Variants in ZFYVE9 observed in about 807,000 individuals in gnomAD.
The protein encoded by ZFYVE9 is zinc finger FYVE domain-containing protein 9.
In ZFYVE9, 43 loss-of-function variants were observed where a neutral mutation model predicts 126.7. That is an observed-to-expected ratio of 0.34 (90% CI 0.27 to 0.44). The LOEUF (loss-of-function observed/expected upper bound fraction) is 0.44, where lower values mean the gene tolerates loss of function less well. Among genes scored for constraint, ZFYVE9 ranks in the 20% least tolerant of loss-of-function variants. ZFYVE9 has a pLI of 1.00. For synonymous variants in ZFYVE9, 521 were observed against 597.4 expected (o/e 0.87, Z 1.87); for missense variants, 1,476 against 1,697.0 (o/e 0.87, Z 2.29).
chr1:52,327,324 C>G (rs1646300567), intron 13 of ZFYVE9, among the ~76,000 whole-genome samples: 1 of 151,988 alleles, frequency 6.6e-6, no homozygotes, highest in Non-Finnish European at 1.5e-5. Context: ...TTCATGCTGG[C>G]CAGGCGCGGT....
intron 1 of ZFYVE9, among the ~76,000 whole-genome samples, chr1:52,159,972 A>G (rs1644440391): frequency 6.7e-6 from 1 of 150,274 alleles, no homozygotes; most frequent in South Asian, 2.1e-4. Context: ...ATTTTTTTGT[A>G]TTTTTAGTAG....
At chr1:52,307,154 G>A (rs369702831) in intron 13 of ZFYVE9, among the ~76,000 whole-genome samples, 1 of 152,226 alleles carries the variant, frequency 6.6e-6, no homozygotes, top group Admixed American at 6.5e-5. Context: ...TGATGTTTGC[G>A]AGGTAGTGCT....
chr1:52,162,373 G>A (rs961507572), intron 1 of ZFYVE9: 6 of 349,376 alleles, frequency 1.7e-5, no homozygotes, highest in African/African-American at 8.6e-5. Flanking sequence ...CACCACCTCC[G>A]CCACCACCAC....
intron 10 of ZFYVE9, among the ~76,000 whole-genome samples, chr1:52,282,711 G>A (rs568963969): frequency 6.6e-6 from 1 of 152,216 alleles, no homozygotes; most frequent in South Asian, 2.1e-4. Context: ...TGAATGAAAG[G>A]GTTTATTGCA....
At chr1:52,284,520 C>A (rs989905719) in intron 10 of ZFYVE9, among the ~76,000 whole-genome samples, 1 of 151,836 alleles carries the variant, frequency 6.6e-6, no homozygotes. Context: ...CCCAGGTTCA[C>A]GCCATTCTCC....
At chr1:52,319,911 G>A (rs1221536442) in intron 13 of ZFYVE9, among the ~76,000 whole-genome samples, 2 of 150,314 alleles carry the variant, frequency 1.3e-5, no homozygotes, top group African/African-American at 4.9e-5. Context: ...TACTTGGGAG[G>A]CTGAGGCAGG....
chr1:52,263,760 C>A lies in ZFYVE9; in HGVS notation c.2179-13C>A, dbSNP rs3833531. ...GTAAATTTTGTGTGTTCTTCCCCCC[C>A]CCCCCCCCACAGGTTTTCTGTGCTT... On this transcript the variant is annotated splice_polypyrimidine_tract_variant and intron_variant, in intron 4 of 18. Coordinates refer to ENST00000287727, the MANE Select transcript of ZFYVE9 (RefSeq NM_004799.4). 1.4e-4 allele frequency: 70 copies of A among 495,698 alleles called. 8 individuals are homozygous for A. Among genetic ancestry groups the A allele is most frequent in the South Asian group, 4.2e-4 (16 of 37,914 alleles). 30.7% of individuals were successfully genotyped at this position (495,698 alleles called of 1,614,324 possible).
Position 52,339,798 on chromosome 1 carries a change from A to C in ZFYVE9, c.3834-328A>C, listed in dbSNP as rs1281144771. ...TGAAAACAAGATTGAGTGGGTGACC[A>C]TGCATTCACTGAAAGAAGGGATACT... On this transcript the variant is annotated intron_variant, in intron 16 of 18. Coordinates refer to ENST00000287727, the MANE Select transcript of ZFYVE9 (RefSeq NM_004799.4). 2.6e-5 allele frequency among the ~76,000 whole-genome samples: 4 copies of C among 152,220 alleles called. No individual in the cohort carries two copies. The East Asian group carries it at 7.7e-4, about 29-fold the overall frequency.
chr1:52,304,486 C>T (rs2147842841), intron 13 of ZFYVE9, among the ~76,000 whole-genome samples: 1 of 152,256 alleles, frequency 6.6e-6, no homozygotes, highest in South Asian at 2.1e-4. Flanking sequence ...TGGTCTCAAA[C>T]TCTTAATCTC....
At chr1:52,321,026 G>T (rs764612268) in intron 13 of ZFYVE9, among the ~76,000 whole-genome samples, 8 of 152,102 alleles carry the variant, frequency 5.3e-5, no homozygotes, top group African/African-American at 9.7e-5. Context: ...ACACCAAAAA[G>T]ATAGGAATAG....
At chr1:52,267,015 T>C (rs1224664126) in intron 6 of ZFYVE9, among the ~76,000 whole-genome samples, 184 bp downstream of exon 6, 1 of 152,196 alleles carries the variant, frequency 6.6e-6, no homozygotes, top group Non-Finnish European at 1.5e-5. Context: ...GAGAATAATA[T>C]TTGTGTTGCT....
intron 1 of ZFYVE9, among the ~76,000 whole-genome samples, chr1:52,197,831 A>T (rs1644875689): frequency 6.6e-6 from 1 of 152,170 alleles, no homozygotes; most frequent in African/African-American, 2.4e-5. Context: ...GGAGAGGAGG[A>T]TGCACAGAAA....
intron 1 of ZFYVE9, among the ~76,000 whole-genome samples, chr1:52,203,173 T>C (rs1010466297): frequency 6.6e-6 from 1 of 151,824 alleles, no homozygotes; most frequent in Non-Finnish European, 1.5e-5. Context: ...GTAGGTATAG[T>C]GTTTTTTTGT....
At chr1:52,317,229 G>GA (rs1168963574) in intron 13 of ZFYVE9, among the ~76,000 whole-genome samples, 2 of 151,916 alleles carry the variant, frequency 1.3e-5, no homozygotes, top group African/African-American at 4.8e-5. Context: ...CCTTGTATTA[G>GA]AAAAAAAGGC....
At chr1:52,340,282 G>C in intron 17 of ZFYVE9, 51 bp downstream of exon 17, 1 of 1,416,544 alleles carries the variant, frequency 7.1e-7, no homozygotes, top group Non-Finnish European at 9.9e-7. Flanking sequence ...ACAACTTTTT[G>C]CTAGGCCAAG....
intron 1 of ZFYVE9, among the ~76,000 whole-genome samples, chr1:52,170,571 G>A (rs1644557916): frequency 6.6e-6 from 1 of 151,912 alleles, no homozygotes; most frequent in Admixed American, 6.6e-5. Context: ...TGCATCATTA[G>A]GTTATTTATT....
chr1:52,155,234 C>CTTTTTTTT (rs202048189), intron 1 of ZFYVE9, among the ~76,000 whole-genome samples: 48 of 129,088 alleles, frequency 3.7e-4, no homozygotes, highest in Non-Finnish European at 5.0e-4. Context: ...TCTTTTTTTT[C>CTTTTTTTT]TTTTTTTTTT....
chr1:52,335,900 G>A (rs968560580), intron 15 of ZFYVE9, among the ~76,000 whole-genome samples: 4 of 152,140 alleles, frequency 2.6e-5, no homozygotes, highest in African/African-American at 4.8e-5. Flanking sequence ...TTGGGAGGCC[G>A]AGGGGGGCAG....
chr1:52,242,029 A>G (rs963676164), intron 4 of ZFYVE9, among the ~76,000 whole-genome samples: 2 of 136,074 alleles, frequency 1.5e-5, no homozygotes. Context: ...TGTCATGGCA[A>G]TCTTTTTTTT....
Sources: gnomAD v4.1 joint callset for allele counts (sites outside exome capture counted in the v4.1 genomes callset) on GRCh38, gnomAD v4.1.1 for gene constraint, MANE v1.5 for transcripts, NCBI Gene and HGNC (gene_info 2026-07-23, HGNC 2026-07-21) for gene names.